The following ADGRF4 variants were observed in gnomAD, a reference collection of about 807,000 sequenced individuals.
ADGRF4 encodes the protein adhesion G protein-coupled receptor F4, also known as G-protein coupled receptor PGR18.
ADGRF4 carries 63 observed loss-of-function variants against 58.5 expected under a neutral mutation model. The observed-to-expected ratio is 1.08, with a 90% CI of 0.88 to 1.33. The LOEUF is 1.33. ADGRF4 is among the 40% of genes most tolerant of loss of function. ADGRF4 has a pLI of 0.00. For synonymous variants in ADGRF4, 313 were observed against 295.4 expected (o/e 1.06, Z -0.61); for missense variants, 931 against 843.9 (o/e 1.10, Z -1.28).
intron 1 of ADGRF4, among the ~76,000 whole-genome samples, chr6:47,699,739 G>C (rs1447645104): frequency 6.6e-6 from 1 of 152,132 alleles, no homozygotes; most frequent in Non-Finnish European, 1.5e-5. Flanking sequence ...AGAACTCTAA[G>C]GGTAACTAAA....
rs779559654 is a variant in ADGRF4, at chr6:47,713,912, A to G, written c.667A>G (p.Arg223Gly). 1 of 1,609,750 alleles carries G rather than the reference A, an allele frequency of 6.2e-7. No homozygotes were observed. ...DLLQSVNLFA[R>G]QLHIHNNSEN... ...GTTGCAGTCAGTGAATTTGTTTGCCAGACAACTCCACATCCACAATAATTC... is the reference window on the plus strand; with the variant it reads ...GTTGCAGTCAGTGAATTTGTTTGCCGGACAACTCCACATCCACAATAATTC... Residue 223 changes from arginine to glycine, a missense_variant, in exon 6 of 10, where the codon AGA becomes GGA. Coordinates refer to ENST00000283303, the MANE Select transcript of ADGRF4 (RefSeq NM_153838.5).
At position 47,712,474 on chromosome 6, in the gene ADGRF4, C is replaced by T; in HGVS notation, c.418C>T (p.Pro140Ser). Residue 140 changes from proline (P) to serine (S), a missense_variant, in exon 5 of 10, where the codon CCC (proline) becomes TCC (serine). Pro to Ser is a moderately conservative substitution (Grantham distance 74, BLOSUM62 -1). Coordinates refer to ENST00000283303, the MANE Select transcript of ADGRF4 (RefSeq NM_153838.5). ...SVAQGIRKNCPFDYACITDMV... is the reference protein window; with the variant it reads ...SVAQGIRKNCSFDYACITDMV... Reference sequence around the variant, plus strand: ...AGCTCAAGGAATCCGTAAGAACTGCCCCTTTGATTATGCCTGCATCACTGA... The same window carrying T: ...AGCTCAAGGAATCCGTAAGAACTGCTCCTTTGATTATGCCTGCATCACTGA... The T allele has an allele frequency of 2.5e-6, 4 of 1,614,036 alleles. No individual in the cohort carries two copies. Among genetic ancestry groups the T allele is most frequent in the Non-Finnish European group, 2.5e-6 (3 of 1,179,970 alleles).
chr6:47,700,694 GT>G (rs1771570556), intron 1 of ADGRF4, among the ~76,000 whole-genome samples: 1 of 152,180 alleles, frequency 6.6e-6, no homozygotes, highest in South Asian at 2.1e-4. Flanking sequence ...GAGGTCCACA[GT>G]AGGACTGGCA....
intron 6 of ADGRF4, 67 bp from the exon 7 acceptor site, chr6:47,716,739 A>T (rs1327974395): frequency 8.4e-7 from 1 of 1,196,160 alleles, no homozygotes; most frequent in Non-Finnish European, 1.2e-6. Context: ...GAAGAGCGGT[A>T]TGAAAATAAC....
In ADGRF4 at chr6:47,715,220, A is replaced by G. The variant is rs371426752; in HGVS notation, c.1932+43A>G. On this transcript the variant is annotated intron_variant, in intron 6 of 9. Coordinates refer to ENST00000283303, the MANE Select transcript of ADGRF4 (RefSeq NM_153838.5). The stretch of plus-strand genomic sequence containing the variant: ...GACTTTTCTGTGTTACTCCGACTAG[A>G]CCACAAAAAAATGGCTATGATTTGA... The G allele has an allele frequency of 6.6e-6, 9 of 1,369,068 alleles. No individual in the cohort carries two copies. The African/African-American group carries it at 1.3e-4, about 20-fold the overall frequency. The allele number at this position is 1,369,068 out of a possible 1,614,324, so 84.8% of individuals were successfully genotyped here.
At chr6:47,701,528 C>A (rs1213113578) in intron 1 of ADGRF4, among the ~76,000 whole-genome samples, 2 of 152,146 alleles carry the variant, frequency 1.3e-5, no homozygotes, top group Non-Finnish European at 2.9e-5. Context: ...AAATGACTAA[C>A]CCTTTATTTA....
intron 4 of ADGRF4, 145 bp downstream of exon 4, chr6:47,711,031 A>C: frequency 1.4e-6 from 1 of 724,452 alleles, no homozygotes; most frequent in Admixed American, 3.5e-5. Context: ...TTGTTTCTTG[A>C]CCTTCTTTCC....
At chr6:47,711,590 C>A (rs1771874435) in intron 4 of ADGRF4, among the ~76,000 whole-genome samples, 1 of 152,174 alleles carries the variant, frequency 6.6e-6, no homozygotes, top group Non-Finnish European at 1.5e-5. Context: ...CTTTCAATCT[C>A]TTGACCAAAA....
At chr6:47,705,257 T>C (rs557414903) in intron 1 of ADGRF4, among the ~76,000 whole-genome samples, 2 of 152,388 alleles carry the variant, frequency 1.3e-5, no homozygotes, top group Admixed American at 6.5e-5. Flanking sequence ...CAAAGTCGTA[T>C]ATGTGAAACA....
Position 47,714,338 on chromosome 6 carries a change from C to T in ADGRF4, c.1093C>T (p.Gln365Ter). ...AAGGAGATGGGATGAGAAAGCGTGC[C>T]AAATGATGTTGGATATCAGGAACGA... The part of the protein sequence containing the change: ...KKRRWDEKAC[Q>*]MMLDIRNEVK... The change falls in exon 6 of 10, where the codon CAA becomes TAA. Residue 365 changes from glutamine to a stop codon, truncating the protein, a stop_gained. Coordinates refer to ENST00000283303, the MANE Select transcript of ADGRF4 (RefSeq NM_153838.5). LOFTEE classifies it high-confidence loss of function. 1 of 1,614,146 alleles carries T rather than the reference C, an allele frequency of 6.2e-7. No homozygotes were observed. Among genetic ancestry groups the T allele is most frequent in the Non-Finnish European group, 8.5e-7 (1 of 1,180,016 alleles).
intron 1 of ADGRF4, among the ~76,000 whole-genome samples, chr6:47,699,943 C>A (rs976956642): frequency 1.3e-5 from 2 of 149,262 alleles, no homozygotes; most frequent in African/African-American, 2.5e-5. Context: ...ACCCCCCCCC[C>A]CAAAATGTGG....
intron 1 of ADGRF4, among the ~76,000 whole-genome samples, chr6:47,704,694 A>T (rs1202538736): frequency 6.6e-6 from 1 of 152,186 alleles, no homozygotes; most frequent in African/African-American, 2.4e-5. Flanking sequence ...CTAGTATTTG[A>T]GAGAATGTCA....
chr6:47,719,545 G>A (rs1054584529), intron 9 of ADGRF4, among the ~76,000 whole-genome samples: 3 of 152,098 alleles, frequency 2.0e-5, no homozygotes, highest in African/African-American at 7.2e-5. Flanking sequence ...CTAATAGAGA[G>A]TCATTAATTC....
intron 3 of ADGRF4, among the ~76,000 whole-genome samples, chr6:47,709,987 T>C (rs545533759): frequency 5.5e-4 from 84 of 152,308 alleles, no homozygotes; most frequent in Non-Finnish European, 9.7e-4. Context: ...ATGCATATGT[T>C]AGATAAGCTT....
intron 3 of ADGRF4, among the ~76,000 whole-genome samples, chr6:47,709,285 T>A (rs1412557773): frequency 6.6e-6 from 1 of 152,256 alleles, no homozygotes; most frequent in Non-Finnish European, 1.5e-5. Flanking sequence ...CTATCTGAAG[T>A]GCATGCACTC....
Position 47,714,611 on chromosome 6 carries a change from T to C in ADGRF4, c.1366T>C (p.Trp456Arg). ...IAVSLLTANV[W>R]FIIGSHFNIK... ...AGTGTCCCTTCTGACTGCCAATGTG[T>C]GGTTTATCATAGGCTCTCACTTTAA... Residue 456 changes from tryptophan to arginine, a missense_variant, in exon 6 of 10, where the codon TGG (tryptophan) becomes CGG (arginine). Trp to Arg is a moderately radical substitution (Grantham distance 101, BLOSUM62 -3). Transcript: ENST00000283303. The C allele has an allele frequency of 1.2e-6, 2 of 1,614,100 alleles. No homozygotes were observed. Among genetic ancestry groups the C allele is most frequent in the Non-Finnish European group, 1.7e-6 (2 of 1,179,988 alleles).
chr6:47,702,184 A>G (rs1418992827), intron 1 of ADGRF4, among the ~76,000 whole-genome samples: 2 of 152,176 alleles, frequency 1.3e-5, no homozygotes, highest in African/African-American at 4.8e-5. Flanking sequence ...TGGGTGAAAC[A>G]GTTTTCTTAC....
In ADGRF4 at chr6:47,701,956, C is replaced by A. The variant is rs115705037; in HGVS notation, c.-17+3162C>A. 4.3e-3 allele frequency among the ~76,000 whole-genome samples: 656 copies of A among 152,270 alleles called. 3 individuals are homozygous for A. The highest frequency in any genetic ancestry group is 0.014 in the African/African-American group (571 of 41,552). On this transcript the variant is annotated intron_variant, in intron 1 of 9. Transcript: ENST00000283303. ...TCAAGCGATTTGATTCTCCTGCTTC[C>A]GCCTTCCAAGTAGCTGGCATTATAG...
intron 3 of ADGRF4, among the ~76,000 whole-genome samples, chr6:47,709,299 C>A (rs1214023855): frequency 6.6e-6 from 1 of 152,246 alleles, no homozygotes; most frequent in Non-Finnish European, 1.5e-5. Flanking sequence ...TGCACTCTGA[C>A]CGATGGGCCA....
Sources: allele counts gnomAD v4.1 joint callset (sites outside exome capture counted in the v4.1 genomes callset), GRCh38; gene constraint gnomAD v4.1.1; transcripts MANE v1.5; gene names NCBI Gene and HGNC (gene_info 2026-07-23, HGNC 2026-07-21).